Variants in PXDNL observed in about 807,000 individuals in gnomAD.
PXDNL encodes the protein probable oxidoreductase PXDNL.
A neutral mutation model predicts 150.8 loss-of-function variants in PXDNL; 145 were observed. That is an observed-to-expected ratio of 0.96 (90% CI 0.84 to 1.10). The LOEUF (loss-of-function observed/expected upper bound fraction) is 1.10. Ranked by LOEUF, PXDNL falls within the 50% of genes least tolerant of loss-of-function variation. The pLI is 0.00. For synonymous variants in PXDNL, 757 were observed against 725.7 expected, an observed-to-expected ratio of 1.04 and a Z score of -0.69; for missense variants, 2,087 against 1,873.9, an observed-to-expected ratio of 1.11 and a Z score of -2.10.
intron 21 of PXDNL, among the ~76,000 whole-genome samples, chr8:51,328,488 C>T (rs1266933679): frequency 6.6e-6 from 1 of 152,182 alleles, no homozygotes; most frequent in Non-Finnish European, 1.5e-5. Flanking sequence ...GAAATACTCT[C>T]ACAGAAACAT....
rs182803537 is a variant in PXDNL at position 51,344,393 on chromosome 8, C to G, written c.4016+1440G>C. Among the ~76,000 whole-genome samples, 219 of 152,172 alleles carry G rather than the reference C, an allele frequency of 1.4e-3. 1 individual carries two copies. Among genetic ancestry groups the G allele is most frequent in the Middle Eastern group, 6.8e-3 (2 of 294 alleles). ...CCTCAGCTTCCTGAATATTTGGGACCAACTCATTTAGACACATGAATTGTA... is the reference window on the plus strand; with the variant it reads ...CCTCAGCTTCCTGAATATTTGGGACGAACTCATTTAGACACATGAATTGTA... On this transcript the variant is annotated intron_variant, in intron 20 of 22. Transcript: ENST00000356297.
rs923832734 is a variant in PXDNL, at chr8:51,409,092, G to T, written c.2532C>A (p.Pro844=). 1.3e-5 allele frequency: 21 copies of T among 1,609,326 alleles called. No individual in the cohort carries two copies. The highest frequency in any genetic ancestry group is 1.5e-5 in the Non-Finnish European group (18 of 1,179,458). The change falls in exon 17 of 23, where the codon CCC becomes CCA. Residue 844 remains proline (P), a synonymous_variant. Coordinates refer to ENST00000356297, the MANE Select transcript of PXDNL (RefSeq NM_144651.5). ...GGGGGTCGGCGTGCCGGGTGTTCAT[G>T]GGGAAACAAGGAGGGTCGTTGGTGC... ...SVCTNDPPCF[P]MNTRHADPRG... is the part of the protein sequence containing the mutation.
intron 2 of PXDNL, among the ~76,000 whole-genome samples, chr8:51,644,478 G>C (rs1453158446): frequency 6.8e-6 from 1 of 146,146 alleles, no homozygotes; most frequent in Non-Finnish European, 1.5e-5. Context: ...TTTTTGTTTT[G>C]AGACGGAGTC....
chr8:51,732,037 G>C (rs1816944050), intron 1 of PXDNL, among the ~76,000 whole-genome samples: 1 of 152,188 alleles, frequency 6.6e-6, no homozygotes, highest in South Asian at 2.1e-4. Flanking sequence ...CAGCCAGCTT[G>C]AATTTATCCT....
intron 8 of PXDNL, among the ~76,000 whole-genome samples, chr8:51,462,502 A>G (rs1232444092): frequency 6.6e-6 from 1 of 152,228 alleles, no homozygotes; most frequent in African/African-American, 2.4e-5. Context: ...TTCATAATAC[A>G]GTTAGAAGCA....
intron 8 of PXDNL, among the ~76,000 whole-genome samples, chr8:51,464,716 C>T (rs926097926): frequency 2.0e-5 from 3 of 151,942 alleles, no homozygotes; most frequent in African/African-American, 7.3e-5. Context: ...CAGGGCCTGT[C>T]GCGGGGTGGG....
chr8:51,376,486 T>C (rs1000382600), intron 17 of PXDNL, among the ~76,000 whole-genome samples: 1 of 152,216 alleles, frequency 6.6e-6, no homozygotes, highest in Non-Finnish European at 1.5e-5. Context: ...CAATTCTTTT[T>C]CTGAGAGATT....
chr8:51,463,705 A>G (rs1377362062), intron 8 of PXDNL, among the ~76,000 whole-genome samples: 1 of 152,230 alleles, frequency 6.6e-6, no homozygotes, highest in Non-Finnish European at 1.5e-5. Flanking sequence ...GTACTTAGCC[A>G]TAAAGCAAGT....
chr8:51,639,660 T>C (rs1029318196), intron 2 of PXDNL, among the ~76,000 whole-genome samples: 1 of 152,098 alleles, frequency 6.6e-6, no homozygotes, highest in African/African-American at 2.4e-5. Context: ...CAGGAAGAAG[T>C]TGAATCTCTG....
intron 1 of PXDNL, among the ~76,000 whole-genome samples, chr8:51,699,806 G>T (rs72642949): frequency 0.05 from 7,570 of 152,246 alleles, 266 homozygotes; most frequent in Non-Finnish European, 0.076. Flanking sequence ...GGCCTGAGAA[G>T]AGGGAAACAA....
chr8:51,345,568 T>A (rs781275778), intron 20 of PXDNL, among the ~76,000 whole-genome samples: 1 of 152,154 alleles, frequency 6.6e-6, no homozygotes. Context: ...ATTTAAGGGA[T>A]CAAAACTAGC....
chr8:51,691,180 C>T lies in PXDNL; in HGVS notation c.165-36420G>A, dbSNP rs561474545. Among the ~76,000 whole-genome samples, 1,391 of 152,190 alleles carry T rather than the reference C, an allele frequency of 9.1e-3. 22 individuals are homozygous for T. The highest frequency in any genetic ancestry group is 0.032 in the African/African-American group (1,335 of 41,554). On this transcript the variant is annotated intron_variant, in intron 1 of 22. Coordinates refer to ENST00000356297, the MANE Select transcript of PXDNL (RefSeq NM_144651.5). Reference sequence around the variant, plus strand: ...CAGAAGCTCTTTAGTTTAATTAGATCCCATTTGTCAATTTTGGCTTTTGTT... The same window carrying T: ...CAGAAGCTCTTTAGTTTAATTAGATTCCATTTGTCAATTTTGGCTTTTGTT...
chr8:51,562,394 T>A (rs1023538829), intron 3 of PXDNL, among the ~76,000 whole-genome samples: 1 of 151,990 alleles, frequency 6.6e-6, no homozygotes, highest in Non-Finnish European at 1.5e-5. Flanking sequence ...CCAAAAAATA[T>A]TATGTGAAAT....
intron 12 of PXDNL, among the ~76,000 whole-genome samples, chr8:51,445,198 G>A (rs542065046): frequency 2.2e-4 from 34 of 152,228 alleles, no homozygotes; most frequent in African/African-American, 8.2e-4. Flanking sequence ...GGGATTACAG[G>A]TGTGAGCAAC....
chr8:51,562,195 G>T (rs1812733307), intron 3 of PXDNL, among the ~76,000 whole-genome samples: 1 of 151,156 alleles, frequency 6.6e-6, no homozygotes. Flanking sequence ...TCTTCACCCT[G>T]GATAATAACA....
intron 4 of PXDNL, among the ~76,000 whole-genome samples, chr8:51,512,675 G>A (rs566055939): frequency 2.6e-5 from 4 of 152,318 alleles, no homozygotes; most frequent in African/African-American, 9.6e-5. Context: ...AACAACTAAT[G>A]ATGTTTTGTT....
intron 1 of PXDNL, among the ~76,000 whole-genome samples, chr8:51,772,054 T>G (rs2037301748): frequency 6.6e-6 from 1 of 151,952 alleles, no homozygotes; most frequent in African/African-American, 2.4e-5. Context: ...TCTTCCTCCA[T>G]GCCCACACCA....
At chr8:51,471,139 CAA>C (rs5891416) in intron 8 of PXDNL, among the ~76,000 whole-genome samples, 6,674 of 112,974 alleles carry the variant, frequency 0.059, 444 homozygotes, top group African/African-American at 0.19. Context: ...AACAAATTTA[CAA>C]AAAAAAAAAA....
intron 1 of PXDNL, among the ~76,000 whole-genome samples, chr8:51,695,113 C>T (rs1367484656): frequency 6.6e-6 from 1 of 152,176 alleles, no homozygotes; most frequent in Non-Finnish European, 1.5e-5. Context: ...GTCAGCAGAA[C>T]CTGTGCTGCT....
Sources: gnomAD v4.1 joint callset for allele counts (sites outside exome capture counted in the v4.1 genomes callset) on GRCh38, gnomAD v4.1.1 for gene constraint, MANE v1.5 for transcripts, NCBI Gene and HGNC (gene_info 2026-07-23, HGNC 2026-07-21) for gene names.